Variants in PCYT1B observed in about 807,000 individuals in gnomAD.
PCYT1B encodes choline-phosphate cytidylyltransferase B.
Under a neutral mutation model 26.4 loss-of-function variants are expected in PCYT1B, and 10 were observed. That is an observed-to-expected ratio of 0.38 (90% confidence interval 0.23 to 0.64). The LOEUF (loss-of-function observed/expected upper bound fraction) is 0.64. Among genes scored for constraint, PCYT1B ranks in the 30% least tolerant of loss-of-function variants. The probability of loss-of-function intolerance (pLI) is 0.56; values close to 1 mark genes in which losing one functional copy is unlikely to be tolerated. For synonymous variants in PCYT1B, 131 were observed against 108.4 expected, an observed-to-expected ratio of 1.21 and a Z score of -1.29; for missense variants, 161 against 292.7, an observed-to-expected ratio of 0.55 and a Z score of 3.28.
At chrX:24,595,622 G>C (rs755989783) in intron 3 of PCYT1B, among the ~76,000 whole-genome samples, 3 of 111,464 alleles carry the variant, frequency 2.7e-5, no homozygotes, top group Non-Finnish European at 5.7e-5. Flanking sequence ...GCTCATGCCT[G>C]TAATCCCAGC....
intron 7 of PCYT1B, among the ~76,000 whole-genome samples, chrX:24,574,337 G>A (rs1923952007): frequency 9.0e-6 from 1 of 111,250 alleles, no homozygotes; most frequent in Admixed American, 9.6e-5. Flanking sequence ...TGATAATACT[G>A]GTATTTACTT....
intron 3 of PCYT1B, among the ~76,000 whole-genome samples, chrX:24,597,845 A>G (rs1924836395): frequency 8.9e-6 from 1 of 112,448 alleles, no homozygotes; most frequent in African/African-American, 3.2e-5. Flanking sequence ...ATCTTTAGGG[A>G]TAAGGCCCAA....
intron 3 of PCYT1B, among the ~76,000 whole-genome samples, chrX:24,597,344 C>T (rs1457015179): frequency 9.0e-6 from 1 of 110,950 alleles, no homozygotes; most frequent in Non-Finnish European, 1.9e-5. Flanking sequence ...AGGCTGGTCC[C>T]GAACTCCTCA....
intron 1 of PCYT1B, among the ~76,000 whole-genome samples, chrX:24,670,805 T>A (rs766391660): frequency 1.8e-5 from 2 of 111,514 alleles, no homozygotes; most frequent in African/African-American, 6.5e-5. Context: ...ATAATAATGA[T>A]AAGTGATACA....
At chrX:24,575,707 A>G (rs1923992927) in intron 6 of PCYT1B, among the ~76,000 whole-genome samples, 2 of 112,735 alleles carry the variant, frequency 1.8e-5, no homozygotes. Flanking sequence ...TGTGCACACA[A>G]TGACTATTCA....
chrX:24,672,699 A>G, upstream of PCYT1B: 1 of 937,765 alleles, frequency 1.1e-6, no homozygotes, highest in Non-Finnish European at 1.5e-6. Context: ...GAGTCACAGG[A>G]TGAAATTTTT....
chrX:24,663,827 G>A (rs1927074133), intron 1 of PCYT1B, among the ~76,000 whole-genome samples: 1 of 111,173 alleles, frequency 9.0e-6, no homozygotes, highest in African/African-American at 3.3e-5. Context: ...GCTGAGACAG[G>A]AGAATCACTT....
intron 1 of PCYT1B, among the ~76,000 whole-genome samples, chrX:24,639,372 T>C (rs1309376104): frequency 8.9e-6 from 1 of 112,493 alleles, no homozygotes; most frequent in Non-Finnish European, 1.9e-5. Context: ...GACCAAGCTT[T>C]AGCACATTTG....
In PCYT1B at chrX:24,616,252, T is replaced by A. The variant is rs866104667; in HGVS notation, c.217+2733A>T. ...ACTTTTTTTTTTTTTTTTTTTTTTT[T>A]AAAAAAACAGAGTCTTGCGCTGTCG... On this transcript the variant is annotated intron_variant, in intron 2 of 7. Coordinates refer to ENST00000379144, the MANE Select transcript of PCYT1B (RefSeq NM_004845.5). Among the ~76,000 whole-genome samples the A allele has an allele frequency of 2.6e-3, 180 of 68,856 alleles. 1 individual carries two copies. Among genetic ancestry groups the A allele is most frequent in the South Asian group, 6.7e-3 (7 of 1,038 alleles). 59.8% of individuals were successfully genotyped at this position (68,856 alleles called of 115,157 possible).
In PCYT1B at chrX:24,589,989, T is replaced by C. The variant is rs146382548; in HGVS notation, c.486+34A>G. On this transcript the variant is annotated intron_variant, in intron 4 of 7. Transcript: ENST00000379144. Reference sequence around the variant, plus strand: ...GCTGCAGAACCAGACTCCCTAATCTTGCTACTTAGAGAATGTGGGAGAATG... The same window carrying C: ...GCTGCAGAACCAGACTCCCTAATCTCGCTACTTAGAGAATGTGGGAGAATG... 3.4e-4 allele frequency: 386 copies of C among 1,143,567 alleles called. 1 individual carries two copies. In the African/African-American group the frequency reaches 6.2e-3, roughly 18 times the overall value. The allele number at this position is 1,143,567 out of a possible 1,213,427, so 94.2% of individuals were successfully genotyped here.
Position 24,559,788 on chromosome X carries a change from G to T in PCYT1B, c.*2505C>A, listed in dbSNP as rs192741317. 6 of 111,957 alleles carry T rather than the reference G, an allele frequency of 5.4e-5. No homozygotes were observed. The East Asian group carries it at 1.7e-3, about 31-fold the overall frequency. The allele number at this position is 111,957 out of a possible 1,213,427, so 9.2% of individuals were successfully genotyped here. ...GTCTCTGCCTGGGAGCAGGGAGGTG[G>T]TGTGGGGGTAGGGGCTGGGAGAGAC... On this transcript the variant is annotated 3_prime_UTR_variant, in exon 8 of 8. Transcript: ENST00000379144.
At chrX:24,574,843 C>T (rs1288523658) in intron 7 of PCYT1B, among the ~76,000 whole-genome samples, 3 of 112,392 alleles carry the variant, frequency 2.7e-5, no homozygotes, top group Non-Finnish European at 3.8e-5. Flanking sequence ...ACAGCATCAA[C>T]TCCTGAAGTA....
At chrX:24,660,698 A>T (rs1602214035) in intron 1 of PCYT1B, among the ~76,000 whole-genome samples, 1 of 101,535 alleles carries the variant, frequency 9.8e-6, no homozygotes, top group South Asian at 4.4e-4. Context: ...AAAAAAAAAG[A>T]GGAAAAAAAA....
chrX:24,647,442 C>A, upstream of PCYT1B: 1 of 179,422 alleles, frequency 5.6e-6, no homozygotes, highest in Non-Finnish European at 8.8e-6. Context: ...AGCGGCCGGG[C>A]CCCATTGGCT....
At chrX:24,617,595 C>T (rs753058166) in intron 2 of PCYT1B, among the ~76,000 whole-genome samples, 1 of 107,829 alleles carries the variant, frequency 9.3e-6, no homozygotes, top group South Asian at 4.2e-4. Context: ...TTACAGGTGC[C>T]TGCCACCACG....
At chrX:24,662,146 G>A (rs2051479110) in intron 1 of PCYT1B, among the ~76,000 whole-genome samples, 1 of 103,028 alleles carries the variant, frequency 9.7e-6, no homozygotes, top group African/African-American at 3.5e-5. Flanking sequence ...TCCAGCCTGG[G>A]CAACAGAGTG....
chrX:24,660,248 G>C (rs915539553), intron 1 of PCYT1B, among the ~76,000 whole-genome samples: 10 of 112,488 alleles, frequency 8.9e-5, no homozygotes, highest in African/African-American at 3.2e-4. Context: ...TCTCTATTTT[G>C]TTTGTATCAA....
intron 5 of PCYT1B, 59 bp from the exon 6 acceptor site, chrX:24,579,517 C>A (rs766895585): frequency 3.7e-6 from 4 of 1,087,275 alleles, no homozygotes; most frequent in Non-Finnish European, 5.1e-6. Context: ...GTTGACCCAT[C>A]TCCTTTAATG....
At chrX:24,624,269 A>G (rs749168984) in intron 1 of PCYT1B, among the ~76,000 whole-genome samples, 2 of 111,539 alleles carry the variant, frequency 1.8e-5, no homozygotes, top group Non-Finnish European at 3.8e-5. Flanking sequence ...GCGCCCGGCC[A>G]AGCTAAGCTA....
Sources: allele counts gnomAD v4.1 joint callset (sites outside exome capture counted in the v4.1 genomes callset), GRCh38; gene constraint gnomAD v4.1.1; transcripts MANE v1.5; gene names NCBI Gene and HGNC (gene_info 2026-07-23, HGNC 2026-07-21).